The following INSR variants were observed in gnomAD, a reference collection of about 807,000 sequenced individuals.
INSR encodes the protein insulin receptor.
A neutral mutation model predicts 142.6 loss-of-function variants in INSR; 67 were observed. The observed-to-expected ratio is 0.47, with a 90% CI of 0.39 to 0.58. The LOEUF is 0.58. Among genes scored for constraint, INSR ranks in the 20% least tolerant of loss-of-function variants. INSR has a pLI of 0.00. For synonymous variants in INSR, 756 were observed against 743.1 expected (o/e 1.02, Z -0.28); for missense variants, 1,248 against 1,833.2 (o/e 0.68, Z 5.83).
chr19:7,197,844 G>GAAAGAGAC (rs1005042602), intron 2 of INSR, among the ~76,000 whole-genome samples: 1 of 139,746 alleles, frequency 7.2e-6, no homozygotes, highest in Non-Finnish European at 1.6e-5. Flanking sequence ...ACGAGAGAGA[G>GAAAGAGAC]AGAGAGAGAA....
intron 2 of INSR, among the ~76,000 whole-genome samples, chr19:7,199,989 A>G (rs1207477052): frequency 6.6e-6 from 1 of 152,154 alleles, no homozygotes; most frequent in Non-Finnish European, 1.5e-5. Flanking sequence ...CAGGAGAGGA[A>G]CAGTACATGC....
intron 3 of INSR, among the ~76,000 whole-genome samples, chr19:7,181,756 T>C (rs1017783402): frequency 6.6e-6 from 1 of 151,740 alleles, no homozygotes; most frequent in Non-Finnish European, 1.5e-5. Flanking sequence ...TGTTTTTGTA[T>C]TTTTAGTAAA....
At chr19:7,263,548 G>C (rs534435329) in intron 2 of INSR, among the ~76,000 whole-genome samples, 1 of 152,052 alleles carries the variant, frequency 6.6e-6, no homozygotes, top group Non-Finnish European at 1.5e-5. Flanking sequence ...AACAAGCCCG[G>C]TTCTTTTTAT....
intron 2 of INSR, among the ~76,000 whole-genome samples, chr19:7,256,362 T>C (rs1197764400): frequency 1.3e-5 from 2 of 152,122 alleles, no homozygotes; most frequent in Non-Finnish European, 2.9e-5. Context: ...GGCAGGAGAA[T>C]CACTTGAACC....
chr19:7,149,271 G>T (rs112050042), intron 11 of INSR, among the ~76,000 whole-genome samples: 5 of 152,220 alleles, frequency 3.3e-5, no homozygotes, highest in African/African-American at 1.2e-4. Context: ...ACCCTTCTTG[G>T]CTACAGTTAG....
chr19:7,215,556 G>GTATTTATT (rs146786396), intron 2 of INSR, among the ~76,000 whole-genome samples: 5,133 of 148,358 alleles, frequency 0.035, 279 homozygotes, highest in African/African-American at 0.11. Context: ...TCCTTTTCCT[G>GTATTTATT]TATTTATTTA....
At chr19:7,133,477 G>A (rs1002844969) in intron 13 of INSR, among the ~76,000 whole-genome samples, 15 of 152,170 alleles carry the variant, frequency 9.9e-5, no homozygotes, top group Admixed American at 8.5e-4. Context: ...TTCATCTACA[G>A]AGCAGTGGAT....
intron 2 of INSR, among the ~76,000 whole-genome samples, chr19:7,232,217 TTTTA>T (rs1312663864): frequency 4.0e-5 from 3 of 74,352 alleles, no homozygotes; most frequent in Non-Finnish European, 5.6e-5. Context: ...TTTTATTTTA[TTTTA>T]TTTATTTTGA....
chr19:7,266,828 C>CT (rs1241520760), intron 2 of INSR, among the ~76,000 whole-genome samples: 2 of 151,906 alleles, frequency 1.3e-5, no homozygotes, highest in Non-Finnish European at 2.9e-5. Flanking sequence ...GAATGTTTTG[C>CT]TTTTTTTTCG....
chr19:7,263,960 G>A (rs548281042), intron 2 of INSR, among the ~76,000 whole-genome samples: 5 of 152,044 alleles, frequency 3.3e-5, no homozygotes, highest in South Asian at 2.1e-4. Context: ...ACCTGAGGTC[G>A]GGAGTTCGAG....
chr19:7,162,969 G>A, intron 9 of INSR, 63 bp downstream of exon 9: 1 of 1,561,116 alleles, frequency 6.4e-7, no homozygotes, highest in Non-Finnish European at 8.8e-7. Context: ...TAGAGGTGAA[G>A]CAAAGTGCAT....
In INSR at chr19:7,258,829, C is replaced by T. The variant is rs1292441719; in HGVS notation, c.652+8516G>A. 2.0e-5 allele frequency among the ~76,000 whole-genome samples: 3 copies of T among 149,072 alleles called. 1 individual carries two copies. Among genetic ancestry groups the T allele is most frequent in the African/African-American group, 2.5e-5 (1 of 40,520 alleles). On this transcript the variant is annotated intron_variant, in intron 2 of 21. Transcript: ENST00000302850. ...TGATAGGAGAGGCCCTAAGTCAAGA[C>T]AGAATGAGAAGGCTGATAAGAAGAG...
intron 8 of INSR, among the ~76,000 whole-genome samples, chr19:7,163,410 A>T (rs1973808493): frequency 6.6e-6 from 1 of 151,974 alleles, no homozygotes; most frequent in Non-Finnish European, 1.5e-5. Flanking sequence ...AATACAAAAA[A>T]TTAGCCAGGT....
chr19:7,117,043 A>G lies in INSR; in HGVS notation c.*13T>C. 1 of 1,573,480 alleles carries G rather than the reference A, an allele frequency of 6.4e-7. No homozygotes were observed. The highest frequency in any genetic ancestry group is 8.7e-7 in the Non-Finnish European group (1 of 1,153,998). ...ATGGGAACCCCTGCCCGCCCCCGCCACGGTAGGCACTGTTAGGAAGGATTG... is the reference window on the plus strand; with the variant it reads ...ATGGGAACCCCTGCCCGCCCCCGCCGCGGTAGGCACTGTTAGGAAGGATTG... On this transcript the variant is annotated 3_prime_UTR_variant, in exon 22 of 22. Coordinates refer to ENST00000302850, the MANE Select transcript of INSR (RefSeq NM_000208.4).
At chr19:7,236,884 A>G (rs1169674983) in intron 2 of INSR, among the ~76,000 whole-genome samples, 2 of 151,860 alleles carry the variant, frequency 1.3e-5, no homozygotes, top group African/African-American at 2.4e-5. Context: ...AAAATTAGCC[A>G]GGCATGGTGG....
rs1048179569 is a variant in INSR, at chr19:7,159,965, CA to C, written c.2029+3066del. 6.6e-6 allele frequency among the ~76,000 whole-genome samples: 1 copy of C among 152,032 alleles called. No individual in the cohort carries two copies. Among genetic ancestry groups the C allele is most frequent in the African/African-American group, 2.4e-5 (1 of 41,402 alleles). ...AGGATATCACTAACAGAAAATATCT[CA>C]AGAAAAATACATCAAGATGCACAAG... On this transcript the variant is annotated intron_variant, in intron 9 of 21. Transcript: ENST00000302850. The surrounding 1 kb of genome is among the most constrained non-coding windows in gnomAD (Gnocchi z 4.3).
rs549021979 is a variant in INSR, at chr19:7,117,503, C to T, written c.3795-93G>A. 353 of 878,112 alleles carry T rather than the reference C, an allele frequency of 4.0e-4. No individual in the cohort carries two copies. The African/African-American group carries it at 5.2e-3, about 13-fold the overall frequency. The allele number at this position is 878,112 out of a possible 1,614,324, so 54.4% of individuals were successfully genotyped here. A position where few individuals can be genotyped will look rare whatever the true frequency, so the allele number is the denominator to read the frequency against. ...CTCTTGTCCCTGCAGCCGACACCCA[C>T]GGACCACATGTGCTCACATCAGATG... is the stretch of plus-strand genomic sequence containing the variant. On this transcript the variant is annotated intron_variant, in intron 21 of 21. Transcript: ENST00000302850.
chr19:7,278,599 C>T (rs1030590266), intron 1 of INSR, among the ~76,000 whole-genome samples: 8 of 152,250 alleles, frequency 5.3e-5, no homozygotes, highest in Non-Finnish European at 1.2e-4. Flanking sequence ...TGGCTCACGC[C>T]TGTAATCCCA....
chr19:7,201,398 G>C, intron 2 of INSR, among the ~76,000 whole-genome samples: 1 of 152,054 alleles, frequency 6.6e-6, no homozygotes, highest in Non-Finnish European at 1.5e-5. Context: ...GCCGAGGCGG[G>C]TGTATCACCT....
Sources: allele counts gnomAD v4.1 joint callset (sites outside exome capture counted in the v4.1 genomes callset), GRCh38; gene constraint gnomAD v4.1.1; non-coding constraint Gnocchi (gnomAD v3.1); transcripts MANE v1.5; gene names NCBI Gene and HGNC (gene_info 2026-07-23, HGNC 2026-07-21).